The following NAA11 variants were observed in gnomAD, a reference collection of about 807,000 sequenced individuals.
The protein encoded by NAA11 is N-alpha-acetyltransferase 11, NatA catalytic subunit.
NAA11 carries 15 observed loss-of-function variants against 16.1 expected under a neutral mutation model. The observed-to-expected ratio is 0.93, with a 90% confidence interval of 0.62 to 1.44. The LOEUF (loss-of-function observed/expected upper bound fraction) is 1.44. Ranked by LOEUF, NAA11 falls within the 40% of genes most tolerant of loss-of-function variation. The pLI, the probability that NAA11 is intolerant of heterozygous loss-of-function variation, is 0.00. For synonymous variants in NAA11, 122 were observed against 112.4 expected (o/e 1.09, Z -0.54); for missense variants, 298 against 291.3 (o/e 1.02, Z -0.17).
At chr4:79,158,046 G>T in the NAA11 span, among the ~76,000 whole-genome samples, 231 of 151,976 alleles carry the variant, frequency 1.5e-3, 1 homozygote, top group Non-Finnish European at 2.0e-3. Context: ...GACTACAGGT[G>T]CTCGCCACCA....
intron 2 of NAA11, among the ~76,000 whole-genome samples, chr4:79,229,633 G>T (rs1470877404): frequency 6.6e-6 from 1 of 151,880 alleles, no homozygotes; most frequent in Non-Finnish European, 1.5e-5. Flanking sequence ...CCATTGGTCT[G>T]TATTTAATAA....
intron 2 of NAA11, among the ~76,000 whole-genome samples, chr4:79,275,908 A>G (rs535531637): frequency 1.3e-5 from 2 of 152,268 alleles, no homozygotes; most frequent in African/African-American, 4.8e-5. Context: ...TTGTTAATTT[A>G]AATATGTTTA....
chr4:79,202,473 G>C, the NAA11 span, among the ~76,000 whole-genome samples: 16 of 147,548 alleles, frequency 1.1e-4, no homozygotes, highest in African/African-American at 3.9e-4. Flanking sequence ...ACATAAAGTG[G>C]AGTTCATCTT....
chr4:79,178,891 A>G, the NAA11 span, among the ~76,000 whole-genome samples: 1 of 152,184 alleles, frequency 6.6e-6, no homozygotes, highest in Non-Finnish European at 1.5e-5. Context: ...ACAGGGAGAA[A>G]GAAGAGCATG....
At chr4:79,259,191 G>C (rs1258400131) in intron 2 of NAA11, among the ~76,000 whole-genome samples, 1 of 152,108 alleles carries the variant, frequency 6.6e-6, no homozygotes, top group Non-Finnish European at 1.5e-5. Flanking sequence ...AAAGAGCTGT[G>C]ACACAAGCAG....
At chr4:79,301,008 A>C (rs959496147) in intron 1 of NAA11, among the ~76,000 whole-genome samples, 1 of 152,208 alleles carries the variant, frequency 6.6e-6, no homozygotes, top group Non-Finnish European at 1.5e-5. Context: ...AGAGTCACAC[A>C]CAGGTTTGCA....
chr4:79,238,348 A>G (rs1395838200), intron 2 of NAA11, among the ~76,000 whole-genome samples: 2 of 152,160 alleles, frequency 1.3e-5, no homozygotes, highest in African/African-American at 2.4e-5. Context: ...TCCCCACTGA[A>G]CCACTGTTGA....
At chr4:79,248,792 C>T (rs1429247411) in intron 2 of NAA11, among the ~76,000 whole-genome samples, 6 of 152,184 alleles carry the variant, frequency 3.9e-5, no homozygotes, top group African/African-American at 1.4e-4. Flanking sequence ...GCCACCACTG[C>T]TGCTGTGAAC....
chr4:79,277,240 A>G (rs1367869706), intron 2 of NAA11, among the ~76,000 whole-genome samples: 3 of 152,092 alleles, frequency 2.0e-5, no homozygotes, highest in Non-Finnish European at 2.9e-5. Flanking sequence ...GAAAGGAATA[A>G]TAGCCTCAAT....
At chr4:79,197,640 G>T in the NAA11 span, 1 of 152,000 alleles carries the variant, frequency 6.6e-6, no homozygotes, top group Non-Finnish European at 1.5e-5. Flanking sequence ...CTGAGCCCCA[G>T]ACCTGTGAGT....
At chr4:79,271,678 G>A (rs1050822826) in intron 2 of NAA11, among the ~76,000 whole-genome samples, 3 of 152,016 alleles carry the variant, frequency 2.0e-5, no homozygotes, top group African/African-American at 7.2e-5. Flanking sequence ...TATAAAATTA[G>A]ACCAAATTAA....
intron 2 of NAA11, among the ~76,000 whole-genome samples, chr4:79,281,832 G>A (rs1224733166): frequency 6.6e-6 from 1 of 152,052 alleles, no homozygotes; most frequent in African/African-American, 2.4e-5. Context: ...TCCTCAGAGA[G>A]ACAGAAACTA....
At chr4:79,247,044 C>T (rs777812159) in intron 2 of NAA11, among the ~76,000 whole-genome samples, 3 of 152,052 alleles carry the variant, frequency 2.0e-5, no homozygotes, top group Non-Finnish European at 2.9e-5. Context: ...TGAGGTCAAA[C>T]GTCAATGGTA....
chr4:79,240,007 G>A (rs1031803349), intron 2 of NAA11, among the ~76,000 whole-genome samples: 1 of 152,142 alleles, frequency 6.6e-6, no homozygotes, highest in Non-Finnish European at 1.5e-5. Context: ...CAACTCCTGA[G>A]AGTACCAGGA....
chr4:79,182,944 A>G, the NAA11 span, among the ~76,000 whole-genome samples: 1 of 152,194 alleles, frequency 6.6e-6, no homozygotes, highest in Non-Finnish European at 1.5e-5. Flanking sequence ...TCAGGAAACT[A>G]GTATACAAAG....
intron 2 of NAA11, among the ~76,000 whole-genome samples, chr4:79,245,920 C>T (rs1004343078): frequency 5.3e-5 from 8 of 152,082 alleles, no homozygotes; most frequent in Admixed American, 2.0e-4. Context: ...ATGACGATGG[C>T]GGTTTTGTCG....
chr4:79,301,639 G>C (rs1181077070), intron 1 of NAA11, among the ~76,000 whole-genome samples: 2 of 152,068 alleles, frequency 1.3e-5, no homozygotes, highest in Non-Finnish European at 2.9e-5. Context: ...AAATACTTCT[G>C]TACATGGTGG....
the NAA11 span, among the ~76,000 whole-genome samples, chr4:79,179,888 C>T: frequency 6.6e-6 from 1 of 152,178 alleles, no homozygotes; most frequent in Non-Finnish European, 1.5e-5. Flanking sequence ...AGGAAACTTA[C>T]AATCATAGCG....
At chr4:79,237,896 A>T (rs1319054658) in intron 2 of NAA11, among the ~76,000 whole-genome samples, 1 of 152,216 alleles carries the variant, frequency 6.6e-6, no homozygotes, top group African/African-American at 2.4e-5. Context: ...ATCAATGCAT[A>T]TGTGTATATG....
Sources: allele counts gnomAD v4.1 joint callset (sites outside exome capture counted in the v4.1 genomes callset), GRCh38; gene constraint gnomAD v4.1.1; transcripts MANE v1.5; gene names NCBI Gene and HGNC (gene_info 2026-07-23, HGNC 2026-07-21).